Variants in IMPDH1 observed in about 807,000 individuals in gnomAD.
IMPDH1 encodes the protein inosine-5'-monophosphate dehydrogenase 1.
Under a neutral mutation model 73.5 loss-of-function variants are expected in IMPDH1, and 41 were observed. The observed-to-expected ratio is 0.56, with a 90% CI of 0.43 to 0.72. IMPDH1 has a LOEUF of 0.72. IMPDH1 is among the 30% of genes least tolerant of loss of function. The probability of loss-of-function intolerance (pLI) is 0.00; values close to 1 mark genes in which losing one functional copy is unlikely to be tolerated. For synonymous variants in IMPDH1, 318 were observed against 334.3 expected, an observed-to-expected ratio of 0.95 and a Z score of 0.53; for missense variants, 645 against 824.8, an observed-to-expected ratio of 0.78 and a Z score of 2.67.
At chr7:128,402,697 CAACAGAAA>C (rs201246887) in intron 5 of IMPDH1, among the ~76,000 whole-genome samples, 21,332 of 152,050 alleles carry the variant, frequency 0.14, 1,603 homozygotes, top group South Asian at 0.22. Context: ...ATAATAATAG[CAACAGAAA>C]AGAAATGTTT....
chr7:128,403,838 G>C, intron 4 of IMPDH1, 84 bp from the exon 5 acceptor site: 2 of 1,229,720 alleles, frequency 1.6e-6, no homozygotes, highest in East Asian at 2.3e-5. Flanking sequence ...GAGGCAGCAG[G>C]GGGGTACAGA....
chr7:128,395,201 G>C lies in IMPDH1; in HGVS notation c.1335C>G (p.Pro445=). ...VAEYARRFGV[P]IIADGGIQTV... is the part of the protein sequence containing the mutation. Reference sequence around the variant, plus strand: ...TCTGGATGCCGCCATCGGCTATGATGGGCACACCAAAGCGCCGGGCATACT... The same window carrying C: ...TCTGGATGCCGCCATCGGCTATGATCGGCACACCAAAGCGCCGGGCATACT... Residue 445 remains proline (P), a synonymous_variant, in exon 13 of 17, where the codon CCC becomes CCG. Coordinates refer to ENST00000338791, the MANE Select transcript of IMPDH1 (RefSeq NM_000883.4). The C allele has an allele frequency of 6.2e-7, 1 of 1,613,966 alleles. No homozygotes were observed. Among genetic ancestry groups the C allele is most frequent in the Non-Finnish European group, 8.5e-7 (1 of 1,180,036 alleles).
Position 128,400,460 on chromosome 7 carries a change from A to G in IMPDH1, c.659T>C (p.Met220Thr). Residue 220 changes from methionine (M) to threonine (T), a missense_variant, in exon 8 of 17, where the codon ATG becomes ACG. Physicochemically the swap from Met to Thr is moderately conservative, Grantham distance 81. Around this residue, in one of 2 missense-constraint regions of IMPDH1, gnomAD observed 459 missense variants for 638.2 expected, o/e 0.72. Transcript: ENST00000338791. ...GGGGATGCCAGAGAAGCCATGCCGCATCTTGGCCTCCAGCACATCGCCCAC... is the reference window on the plus strand; with the variant it reads ...GGGGATGCCAGAGAAGCCATGCCGCGTCTTGGCCTCCAGCACATCGCCCAC... ...HTVGDVLEAK[M>T]RHGFSGIPIT... 6.2e-7 allele frequency: 1 copy of G among 1,612,536 alleles called. No homozygotes were observed.
In IMPDH1 at chr7:128,396,984, C is replaced by T. The variant is rs1272080349; in HGVS notation, c.1113G>A (p.Met371Ile). The T allele has an allele frequency of 6.2e-7, 1 of 1,614,084 alleles. No homozygotes were observed. The highest frequency in any genetic ancestry group is 8.5e-7 in the Non-Finnish European group (1 of 1,180,000). Residue 371 changes from methionine to isoleucine, a missense_variant, in exon 11 of 17, where the codon ATG (methionine) becomes ATA (isoleucine). Met to Ile is a conservative substitution (Grantham distance 10). This residue lies in a region of IMPDH1 where 459 missense variants were observed against 638.2 expected (regional missense o/e 0.72). Transcript: ENST00000338791. The surrounding 1 kb of genome is among the most constrained non-coding windows in gnomAD (Gnocchi z 4.0). Reference sequence around the variant, plus strand: ...GGTACTTCTGTTTGATGTAATGCACCATGGCGATCTGATACACCGAATTCC... The same window carrying T: ...GGTACTTCTGTTTGATGTAATGCACTATGGCGATCTGATACACCGAATTCC... ...SQGNSVYQIA[M>I]VHYIKQKYPH...
Position 128,396,484 on chromosome 7 carries a change from C to G in IMPDH1, c.1261+116G>C, listed in dbSNP as rs1177930913. The stretch of plus-strand genomic sequence containing the variant: ...TGGGGTGGGGCCCATGCCTGGGTCA[C>G]CCCGGAGCCTACCATGGCAGAACAG... On this transcript the variant is annotated intron_variant, in intron 12 of 16. Coordinates refer to ENST00000338791, the MANE Select transcript of IMPDH1 (RefSeq NM_000883.4). This position sits in a 1 kb window ranked among gnomAD's most constrained non-coding sequence, Gnocchi z 4.0. 6 of 877,514 alleles carry G rather than the reference C, an allele frequency of 6.8e-6. No homozygotes were observed. In the African/African-American group the frequency reaches 8.3e-5, roughly 12 times the overall value. The allele number at this position is 877,514 out of a possible 1,614,324, so 54.4% of individuals were successfully genotyped here.
In IMPDH1 at chr7:128,400,388, G is replaced by A. The variant is rs1798239183; in HGVS notation, c.731C>T (p.Thr244Ile). The A allele has an allele frequency of 6.2e-7, 1 of 1,612,824 alleles. No individual in the cohort carries two copies. The highest frequency in any genetic ancestry group is 8.5e-7 in the Non-Finnish European group (1 of 1,179,866). The part of the protein sequence containing the change: ...TMGSKLVGIV[T>I]SRDIDFLAEK... ...AGCAAGAAAGTCGATGTCTCGGGAG[G>A]TGACGATGCCCACCAGCTTGCTGCC... is the stretch of plus-strand genomic sequence containing the variant. Residue 244 changes from threonine (T) to isoleucine (I), a missense_variant, in exon 8 of 17, where the codon ACC becomes ATC. Physicochemically the swap from Thr to Ile is moderately conservative, Grantham distance 89. Transcript: ENST00000338791.
In IMPDH1 at chr7:128,400,902, A is replaced by C; in HGVS notation, c.505-11T>G. ...AATACCTCCCATCAGCTGATGTAGA[A>C]GGGAAGTGTGGTCAGAGCCGGGGCC... is the stretch of plus-strand genomic sequence containing the variant. On this transcript the variant is annotated splice_polypyrimidine_tract_variant and intron_variant, in intron 6 of 16. Transcript: ENST00000338791. 6.2e-7 allele frequency: 1 copy of C among 1,613,010 alleles called. No individual in the cohort carries two copies. The highest frequency in any genetic ancestry group is 8.5e-7 in the Non-Finnish European group (1 of 1,178,954).
intron 3 of IMPDH1, among the ~76,000 whole-genome samples, chr7:128,409,012 C>A (rs1371081088): frequency 3.9e-5 from 6 of 152,236 alleles, no homozygotes; most frequent in Non-Finnish European, 7.3e-5. Context: ...AGCTGCTGAA[C>A]ACCAGCAGAT....
At chr7:128,397,168 T>C (rs10590564) in intron 10 of IMPDH1, 146 bp from the exon 11 acceptor site, 10,399 of 627,994 alleles carry the variant, frequency 0.017, 149 homozygotes, top group Non-Finnish European at 0.021. Context: ...TTTTTTTTTT[T>C]CTGGAAATTC....
chr7:128,398,602 T>A lies in IMPDH1; in HGVS notation c.886A>T (p.Ile296Phe). ...ACCAGCTCATCGCAATCATTGACGA[T>A]AGGCAGCTTCCCTGACAAGGAATGC... ...LQRSKKGKLPIVNDCDELVAI... is the reference protein window; with the variant it reads ...LQRSKKGKLPFVNDCDELVAI... The change falls in exon 10 of 17, where the codon ATC becomes TTC. Residue 296 changes from isoleucine (I) to phenylalanine (F), a missense_variant. By Grantham distance (21) the Ile-to-Phe change is conservative. Transcript: ENST00000338791. This position sits in a 1 kb window ranked among gnomAD's most constrained non-coding sequence, Gnocchi z 4.3. 6.2e-7 allele frequency: 1 copy of A among 1,612,764 alleles called. No homozygotes were observed. The highest frequency in any genetic ancestry group is 8.5e-7 in the Non-Finnish European group (1 of 1,179,062).
rs924659763 is a variant in IMPDH1, at chr7:128,394,697, C to G, written c.1551-98G>C. 26 of 1,478,268 alleles carry G rather than the reference C, an allele frequency of 1.8e-5. No individual in the cohort carries two copies. The highest frequency in any genetic ancestry group is 2.8e-5 in the African/African-American group (2 of 72,340). The allele number at this position is 1,478,268 out of a possible 1,614,324, so 91.6% of individuals were successfully genotyped here. A position where few individuals can be genotyped will look rare whatever the true frequency, so the allele number is the denominator to read the frequency against. ...AAACGGGATACCGCCCAGGAAGGTC[C>G]CCCAGGCCACCCCTCACTGGGCTGA... On this transcript the variant is annotated intron_variant, in intron 14 of 16. Transcript: ENST00000338791. This position sits in a 1 kb window ranked among gnomAD's most constrained non-coding sequence, Gnocchi z 5.5.
At chr7:128,405,912 C>G in intron 3 of IMPDH1, 47 bp from the exon 4 acceptor site, 1 of 1,459,372 alleles carries the variant, frequency 6.9e-7, no homozygotes, top group South Asian at 1.3e-5. Context: ...CGCGGCCGCC[C>G]GCCGCTGCCG....
In IMPDH1 at chr7:128,392,830, A is replaced by G. The variant is rs2116572319; in HGVS notation, c.*177T>C. On this transcript the variant is annotated 3_prime_UTR_variant, in exon 17 of 17. Transcript: ENST00000338791. ...GCCCCGGGAGCAGTCCTGACTCTGC[A>G]GGGGATGCCGAGTGAGGGGCAGCAG... 1 of 647,910 alleles carries G rather than the reference A, an allele frequency of 1.5e-6. No individual in the cohort carries two copies. Among genetic ancestry groups the G allele is most frequent in the East Asian group, 2.8e-5 (1 of 36,060 alleles). 40.1% of individuals were successfully genotyped at this position (647,910 alleles called of 1,614,324 possible).
chr7:128,403,895 A>G (rs532567626), intron 4 of IMPDH1, 141 bp from the exon 5 acceptor site: 1 of 753,518 alleles, frequency 1.3e-6, no homozygotes, highest in African/African-American at 1.7e-5. Flanking sequence ...CTACTGCCCC[A>G]TCAGGGCAGT....
chr7:128,400,298 T>C, intron 8 of IMPDH1, 35 bp downstream of exon 8: 1 of 1,609,606 alleles, frequency 6.2e-7, no homozygotes, highest in South Asian at 1.1e-5. Context: ...GGGTCCTCTC[T>C]ACACCCAGCC....
intron 7 of IMPDH1, 40 bp from the exon 8 acceptor site, chr7:128,400,579 C>A (rs1397842100): frequency 1.3e-6 from 2 of 1,577,090 alleles, no homozygotes; most frequent in South Asian, 1.1e-5. Context: ...TGGAAGAAAG[C>A]CAGGGATGAT....
At chr7:128,397,105 T>A in intron 10 of IMPDH1, 83 bp from the exon 11 acceptor site, 1 of 875,912 alleles carries the variant, frequency 1.1e-6, no homozygotes, top group Non-Finnish European at 2.0e-6. Flanking sequence ...GATGAACCCC[T>A]CAAATCCTAT....
Position 128,394,885 on chromosome 7 carries a change from G to A in IMPDH1, c.1550+4C>T, listed in dbSNP as rs1023739923. On this transcript the variant is annotated splice_donor_region_variant and intron_variant, in intron 14 of 16. Coordinates refer to ENST00000338791, the MANE Select transcript of IMPDH1 (RefSeq NM_000883.4). The surrounding 1 kb of genome is among the most constrained non-coding windows in gnomAD (Gnocchi z 5.5). ...TGCCCAGGTGGGGCCCAGGGTCAGGGAACCTGAAGTATCGTTTCTGGCTGC... is the reference window on the plus strand; with the variant it reads ...TGCCCAGGTGGGGCCCAGGGTCAGGAAACCTGAAGTATCGTTTCTGGCTGC... The A allele has an allele frequency of 1.9e-6, 3 of 1,611,212 alleles. No homozygotes were observed. Among genetic ancestry groups the A allele is most frequent in the Non-Finnish European group, 1.7e-6 (2 of 1,180,012 alleles).
At chr7:128,409,606 G>A (rs550879155) in intron 1 of IMPDH1, 122 bp from the exon 2 acceptor site, 2 of 1,516,100 alleles carry the variant, frequency 1.3e-6, no homozygotes, top group East Asian at 4.5e-5. Flanking sequence ...GGAGCGTGGC[G>A]TTTCGGGAAG....
Sources: gnomAD v4.1 joint callset for allele counts (sites outside exome capture counted in the v4.1 genomes callset) on GRCh38, gnomAD v4.1.1 for gene constraint, gnomAD v4.1.1 regional missense constraint, Gnocchi (gnomAD v3.1) non-coding constraint, MANE v1.5 for transcripts, NCBI Gene and HGNC (gene_info 2026-07-23, HGNC 2026-07-21) for gene names.